The following SYT1 variants were observed in gnomAD, a reference collection of about 807,000 sequenced individuals.
SYT1 encodes synaptotagmin-1.
A neutral mutation model predicts 44.8 loss-of-function variants in SYT1; 8 were observed. The ratio of observed to expected loss-of-function variants is 0.18; its 90% CI spans 0.10 to 0.32. SYT1 has a LOEUF of 0.32. Among genes scored for constraint, SYT1 ranks in the 10% least tolerant of loss-of-function variants. The pLI, the probability that SYT1 is intolerant of heterozygous loss-of-function variation, is 1.00. For synonymous variants in SYT1, 154 were observed against 188.8 expected (o/e 0.82, Z 1.51); for missense variants, 286 against 509.3 (o/e 0.56, Z 4.22).
At chr12:79,293,410 T>TAAAAAAA (rs1491415574) in intron 6 of SYT1, among the ~76,000 whole-genome samples, 2 of 66,866 alleles carry the variant, frequency 3.0e-5, no homozygotes, top group African/African-American at 1.1e-4. Context: ...TAAAATAAAA[T>TAAAAAAA]TAAAAAATCT....
intron 9 of SYT1, among the ~76,000 whole-genome samples, chr12:79,384,888 C>A (rs1378158625): frequency 6.6e-6 from 1 of 151,958 alleles, no homozygotes; most frequent in Non-Finnish European, 1.5e-5. Flanking sequence ...TGTTTAATAC[C>A]CAAATCTTTG....
intron 2 of SYT1, among the ~76,000 whole-genome samples, chr12:78,982,271 C>T (rs973453875): frequency 1.3e-5 from 2 of 151,970 alleles, no homozygotes; most frequent in African/African-American, 4.8e-5. Context: ...GGAAAAATGG[C>T]CCATAATTCT....
At chr12:78,911,563 T>G (rs1452295272) in intron 1 of SYT1, among the ~76,000 whole-genome samples, 1 of 150,614 alleles carries the variant, frequency 6.6e-6, no homozygotes, top group Non-Finnish European at 1.5e-5. Flanking sequence ...GAAGATGCTG[T>G]ATCAAAAAAA....
chr12:79,259,305 C>A (rs1355483728), intron 4 of SYT1, among the ~76,000 whole-genome samples: 1 of 152,104 alleles, frequency 6.6e-6, no homozygotes, highest in East Asian at 1.9e-4. Flanking sequence ...AAAGTACAAT[C>A]ATTGTTTTTA....
In SYT1 at chr12:79,390,354, G is replaced by T. The variant is rs376643720; in HGVS notation, c.928+36735G>T. On this transcript the variant is annotated intron_variant, in intron 9 of 10. Coordinates refer to ENST00000261205, the MANE Select transcript of SYT1 (RefSeq NM_005639.3). ...AACATTTCTGGGTCAAACGACGTTA[G>T]TAATATTGATAGGTACAAAGGCTTT... Among the ~76,000 whole-genome samples the T allele has an allele frequency of 1.7e-4, 26 of 152,280 alleles. No individual in the cohort carries two copies. The East Asian group carries it at 2.3e-3, about 14-fold the overall frequency.
chr12:79,148,302 T>C (rs898022191), intron 3 of SYT1, among the ~76,000 whole-genome samples: 11 of 152,188 alleles, frequency 7.2e-5, no homozygotes, highest in Non-Finnish European at 1.0e-4. Flanking sequence ...TATGAAACCC[T>C]GGAGACCACA....
intron 3 of SYT1, among the ~76,000 whole-genome samples, chr12:79,170,470 A>G (rs1871449130): frequency 6.6e-6 from 1 of 151,866 alleles, no homozygotes; most frequent in South Asian, 2.1e-4. Flanking sequence ...CTTTTTTTAT[A>G]TGATTTTTGG....
chr12:79,111,061 G>A (rs1289395383), intron 3 of SYT1, among the ~76,000 whole-genome samples: 2 of 151,962 alleles, frequency 1.3e-5, no homozygotes, highest in East Asian at 1.9e-4. Flanking sequence ...ACTATATAAA[G>A]TATAGCAATG....
At chr12:78,918,428 A>C (rs374842493) in intron 1 of SYT1, among the ~76,000 whole-genome samples, 22 of 152,082 alleles carry the variant, frequency 1.4e-4, no homozygotes, top group African/African-American at 5.1e-4. Flanking sequence ...ACCAGGGCAG[A>C]GTTGACTGAT....
chr12:78,940,742 G>T (rs1163908522), intron 1 of SYT1, among the ~76,000 whole-genome samples: 2 of 152,074 alleles, frequency 1.3e-5, no homozygotes, highest in African/African-American at 4.8e-5. Flanking sequence ...ATTTCTGGAT[G>T]ACTCCTTGGA....
intron 3 of SYT1, among the ~76,000 whole-genome samples, chr12:79,101,619 A>G (rs1250278302): frequency 6.6e-6 from 1 of 152,198 alleles, no homozygotes; most frequent in Non-Finnish European, 1.5e-5. Flanking sequence ...TGTGTTATAT[A>G]TAAATTTCCT....
At chr12:78,949,971 T>G (rs1335940736) in intron 1 of SYT1, among the ~76,000 whole-genome samples, 1 of 152,130 alleles carries the variant, frequency 6.6e-6, no homozygotes, top group South Asian at 2.1e-4. Flanking sequence ...GCAGAATAAC[T>G]TTTTTTCACA....
chr12:79,176,984 T>A (rs113483759), intron 3 of SYT1, among the ~76,000 whole-genome samples: 10 of 151,304 alleles, frequency 6.6e-5, no homozygotes, highest in African/African-American at 2.4e-4. Context: ...AAATTTAAAT[T>A]CCCCCAATTC....
intron 9 of SYT1, among the ~76,000 whole-genome samples, chr12:79,382,755 T>C (rs1238190640): frequency 6.6e-6 from 1 of 152,216 alleles, no homozygotes; most frequent in East Asian, 1.9e-4. Context: ...TTTTAAATGA[T>C]GGCAAATGTT....
chr12:79,233,488 G>C (rs1240723723), intron 4 of SYT1, among the ~76,000 whole-genome samples: 2 of 152,298 alleles, frequency 1.3e-5, no homozygotes, highest in East Asian at 3.9e-4. Flanking sequence ...GGCACACAAA[G>C]CACAGCAGTT....
At chr12:79,046,002 A>T (rs996066267) in intron 2 of SYT1, among the ~76,000 whole-genome samples, 1 of 152,150 alleles carries the variant, frequency 6.6e-6, no homozygotes, top group Admixed American at 6.5e-5. Flanking sequence ...TTAATAAAAA[A>T]GAAGTGTCCG....
At chr12:79,202,048 A>G (rs564923995) in intron 3 of SYT1, among the ~76,000 whole-genome samples, 150 of 152,308 alleles carry the variant, frequency 9.8e-4, no homozygotes, top group Non-Finnish European at 2.2e-4. Context: ...ATTTAGCTCC[A>G]TGTATTGCTC....
intron 2 of SYT1, among the ~76,000 whole-genome samples, chr12:79,032,902 A>C (rs1872911632): frequency 6.6e-6 from 1 of 151,314 alleles, no homozygotes; most frequent in Non-Finnish European, 1.5e-5. Context: ...ATCACTTGAA[A>C]TCACTTGCTA....
intron 3 of SYT1, among the ~76,000 whole-genome samples, chr12:79,168,534 T>C (rs932009577): frequency 6.6e-6 from 1 of 151,874 alleles, no homozygotes; most frequent in Non-Finnish European, 1.5e-5. Context: ...GACATTTTAA[T>C]TTTAAATTTA....
Sources: gnomAD v4.1 joint callset for allele counts (sites outside exome capture counted in the v4.1 genomes callset) on GRCh38, gnomAD v4.1.1 for gene constraint, MANE v1.5 for transcripts, NCBI Gene and HGNC (gene_info 2026-07-23, HGNC 2026-07-21) for gene names.